The following ARHGAP24 variants were observed in gnomAD, a reference collection of about 807,000 sequenced individuals.
ARHGAP24 encodes rho GTPase-activating protein 24.
Under a neutral mutation model 76.4 loss-of-function variants are expected in ARHGAP24, and 50 were observed. The ratio of observed to expected loss-of-function variants is 0.65; its 90% CI spans 0.52 to 0.83. The LOEUF is 0.83. ARHGAP24 is among the 40% of genes least tolerant of loss of function. The probability of loss-of-function intolerance (pLI) is 0.00; values close to 1 mark genes in which losing one functional copy is unlikely to be tolerated. For synonymous variants in ARHGAP24, 345 were observed against 323.3 expected (o/e 1.07, Z -0.72); for missense variants, 930 against 914.2 (o/e 1.02, Z -0.22).
At chr4:85,559,624 G>A (rs1197029356) in intron 1 of ARHGAP24, among the ~76,000 whole-genome samples, 1 of 152,206 alleles carries the variant, frequency 6.6e-6, no homozygotes, top group Non-Finnish European at 1.5e-5. Context: ...AACTATGGGT[G>A]AGGGAGTGGA....
chr4:85,718,631 T>G (rs957144034), intron 2 of ARHGAP24, among the ~76,000 whole-genome samples: 2 of 152,174 alleles, frequency 1.3e-5, no homozygotes, highest in African/African-American at 4.8e-5. Context: ...ATTTACTGAA[T>G]GACTTAGTAA....
At chr4:85,533,302 G>C (rs1466055521) in intron 1 of ARHGAP24, among the ~76,000 whole-genome samples, 1 of 152,134 alleles carries the variant, frequency 6.6e-6, no homozygotes, top group Non-Finnish European at 1.5e-5. Flanking sequence ...TGTCCATAAA[G>C]AAATCTCCTA....
chr4:85,521,867 G>A (rs1014182412), intron 1 of ARHGAP24, among the ~76,000 whole-genome samples: 2 of 152,048 alleles, frequency 1.3e-5, no homozygotes, highest in East Asian at 1.9e-4. Context: ...TATTATTGAC[G>A]ATCAAGAGCA....
At chr4:85,804,168 G>T (rs952653974) in intron 3 of ARHGAP24, among the ~76,000 whole-genome samples, 2 of 151,964 alleles carry the variant, frequency 1.3e-5, no homozygotes, top group East Asian at 3.9e-4. Flanking sequence ...GATACAATTA[G>T]ATTTAGGAAA....
intron 2 of ARHGAP24, among the ~76,000 whole-genome samples, chr4:85,616,584 T>A (rs137956450): frequency 1.5e-4 from 23 of 152,266 alleles, no homozygotes; most frequent in African/African-American, 4.3e-4. Context: ...TTATTTCTTA[T>A]TCCTAGTTTT....
intron 2 of ARHGAP24, among the ~76,000 whole-genome samples, chr4:85,638,221 A>T (rs749271808): frequency 6.6e-6 from 1 of 152,128 alleles, no homozygotes; most frequent in African/African-American, 2.4e-5. Context: ...TAGTCTTCTA[A>T]TACTTTATTT....
intron 2 of ARHGAP24, among the ~76,000 whole-genome samples, chr4:85,635,745 G>A (rs1056253949): frequency 6.6e-6 from 1 of 151,860 alleles, no homozygotes; most frequent in Non-Finnish European, 1.5e-5. Flanking sequence ...TACCAGCGGA[G>A]TTTCTAGGAC....
At chr4:85,576,631 AT>A (rs1336233291) in intron 2 of ARHGAP24, among the ~76,000 whole-genome samples, 1 of 151,960 alleles carries the variant, frequency 6.6e-6, no homozygotes, top group Admixed American at 6.6e-5. Context: ...GTAGCATCTG[AT>A]TCTTTTGGTG....
chr4:85,640,005 G>A (rs1317098741), intron 2 of ARHGAP24, among the ~76,000 whole-genome samples: 1 of 152,046 alleles, frequency 6.6e-6, no homozygotes, highest in African/African-American at 2.4e-5. Context: ...TGTGAATCTT[G>A]GAGCTATGGC....
At chr4:85,717,521 A>T (rs1724779456) in intron 2 of ARHGAP24, among the ~76,000 whole-genome samples, 2 of 152,122 alleles carry the variant, frequency 1.3e-5, no homozygotes, top group South Asian at 4.1e-4. Flanking sequence ...TCTACAACAC[A>T]TTCTCAGCAC....
intron 2 of ARHGAP24, among the ~76,000 whole-genome samples, chr4:85,683,109 T>TGTGTGGG (rs1553922558): frequency 2.1e-3 from 37 of 17,480 alleles, no homozygotes; most frequent in African/African-American, 6.2e-3. Context: ...TCTCAGTGTG[T>TGTGTGGG]GGGGGGGTGG....
chr4:85,595,023 C>T (rs983713967), intron 2 of ARHGAP24, among the ~76,000 whole-genome samples: 4 of 151,790 alleles, frequency 2.6e-5, no homozygotes, highest in Admixed American at 2.0e-4. Flanking sequence ...TTCCCTTCAC[C>T]ATATTGCTAT....
Position 85,909,284 on chromosome 4 carries a change from T to C in ARHGAP24, c.269-14364T>C, listed in dbSNP as rs1011844424. ...CCTTCAGTAAATAACTGGATTTATA[T>C]GGGTTTTCTTTTGTTTTGTTTTTTT... On this transcript the variant is annotated intron_variant, in intron 3 of 9. Transcript: ENST00000395184. Among the ~76,000 whole-genome samples the C allele has an allele frequency of 2.6e-5, 4 of 151,412 alleles. No individual in the cohort carries two copies. In the East Asian group the frequency reaches 7.8e-4, roughly 29 times the overall value.
chr4:85,946,277 T>C (rs1259689689), intron 5 of ARHGAP24, among the ~76,000 whole-genome samples: 1 of 152,236 alleles, frequency 6.6e-6, no homozygotes, highest in African/African-American at 2.4e-5. Flanking sequence ...TTTAAGGTTT[T>C]CTTTTTATTT....
intron 1 of ARHGAP24, 125 bp from the exon 2 acceptor site, chr4:85,570,394 CTTT>C (rs1287575040): frequency 1.0e-5 from 1 of 98,082 alleles, no homozygotes; most frequent in South Asian, 5.0e-4. Context: ...TTCTTTCTTT[CTTT>C]CTTTCTTTCT....
chr4:85,771,989 G>A (rs896382084), intron 3 of ARHGAP24, among the ~76,000 whole-genome samples: 4 of 152,138 alleles, frequency 2.6e-5, no homozygotes, highest in Non-Finnish European at 5.9e-5. Flanking sequence ...GATTACAGAT[G>A]TGAGCCACTG....
chr4:85,696,322 A>G (rs1723864397), intron 2 of ARHGAP24, among the ~76,000 whole-genome samples: 1 of 152,188 alleles, frequency 6.6e-6, no homozygotes, highest in Non-Finnish European at 1.5e-5. Context: ...GTAAATACAT[A>G]TTGAATGTAT....
intron 2 of ARHGAP24, among the ~76,000 whole-genome samples, chr4:85,705,037 T>G (rs1023811846): frequency 6.6e-6 from 1 of 152,092 alleles, no homozygotes; most frequent in Admixed American, 6.5e-5. Flanking sequence ...ATTCTTCACA[T>G]TTAAACCATA....
chr4:85,538,270 T>G (rs1725548265), intron 1 of ARHGAP24, among the ~76,000 whole-genome samples: 2 of 152,334 alleles, frequency 1.3e-5, no homozygotes, highest in Non-Finnish European at 2.9e-5. Context: ...ACTTCCTTTT[T>G]GCAAATAAAT....
Sources: allele counts gnomAD v4.1 joint callset (sites outside exome capture counted in the v4.1 genomes callset), GRCh38; gene constraint gnomAD v4.1.1; transcripts MANE v1.5; gene names NCBI Gene and HGNC (gene_info 2026-07-23, HGNC 2026-07-21).